CDH18: variants seen among roughly 807,000 people sequenced by gnomAD.
The protein encoded by CDH18 is cadherin-18.
Under a neutral mutation model 67.9 loss-of-function variants are expected in CDH18, and 31 were observed. The observed-to-expected ratio is 0.46, with a 90% CI of 0.34 to 0.62. The LOEUF (loss-of-function observed/expected upper bound fraction) is 0.62. Among genes scored for constraint, CDH18 ranks in the 20% least tolerant of loss-of-function variants. The pLI is 0.01. For synonymous variants in CDH18, 362 were observed against 347.2 expected, an observed-to-expected ratio of 1.04 and a Z score of -0.48; for missense variants, 890 against 975.5, an observed-to-expected ratio of 0.91 and a Z score of 1.17.
intron 10 of CDH18, among the ~76,000 whole-genome samples, chr5:19,510,435 A>C (rs1744933730): frequency 6.6e-6 from 1 of 152,134 alleles, no homozygotes; most frequent in African/African-American, 2.4e-5. Flanking sequence ...AAGAGGTGAA[A>C]ACAAATACAC....
At chr5:20,414,276 C>G (rs1462115084) in intron 1 of CDH18, among the ~76,000 whole-genome samples, 1 of 146,588 alleles carries the variant, frequency 6.8e-6, no homozygotes, top group Admixed American at 6.9e-5. Context: ...TGGAATCACC[C>G]CAGGTGCTCA....
intron 1 of CDH18, among the ~76,000 whole-genome samples, chr5:20,556,066 C>T (rs1398349318): frequency 1.3e-5 from 2 of 152,108 alleles, no homozygotes; most frequent in Non-Finnish European, 2.9e-5. Flanking sequence ...TGCAGTAAGT[C>T]CCTCATTCCT....
chr5:20,122,177 C>T (rs1383793032), intron 2 of CDH18, among the ~76,000 whole-genome samples: 3 of 152,184 alleles, frequency 2.0e-5, no homozygotes, highest in African/African-American at 7.2e-5. Flanking sequence ...GTGCCTAGTT[C>T]CTTCAGGGAA....
At chr5:19,857,446 G>T (rs1362259091) in intron 2 of CDH18, among the ~76,000 whole-genome samples, 1 of 152,028 alleles carries the variant, frequency 6.6e-6, no homozygotes, top group Non-Finnish European at 1.5e-5. Flanking sequence ...ACACAGACTG[G>T]ATGTTATAAT....
chr5:19,473,788 A>T, intron 12 of CDH18, 72 bp from the exon 13 acceptor site: 1 of 1,289,672 alleles, frequency 7.8e-7, no homozygotes, highest in Non-Finnish European at 1.1e-6. Flanking sequence ...TTACAACAGC[A>T]ATTTCCCATT....
At chr5:20,044,152 A>T (rs1190284841) in intron 2 of CDH18, among the ~76,000 whole-genome samples, 1 of 135,128 alleles carries the variant, frequency 7.4e-6, no homozygotes, top group Non-Finnish European at 1.6e-5. Flanking sequence ...GATTTTTGTA[A>T]ATCAAGATTC....
At chr5:20,241,849 C>A (rs1742928730) in intron 2 of CDH18, among the ~76,000 whole-genome samples, 1 of 61,818 alleles carries the variant, frequency 1.6e-5, no homozygotes, top group African/African-American at 1.1e-4. Context: ...GAGACCCTGT[C>A]GCAAAAAAAA....
At chr5:19,636,894 G>C (rs531808319) in intron 5 of CDH18, among the ~76,000 whole-genome samples, 1 of 151,968 alleles carries the variant, frequency 6.6e-6, no homozygotes, top group African/African-American at 2.4e-5. Flanking sequence ...GTTTTCTTTT[G>C]TAACTTATTT....
chr5:20,356,802 C>T (rs948386365), intron 1 of CDH18, among the ~76,000 whole-genome samples: 153 of 131,614 alleles, frequency 1.2e-3, no homozygotes, highest in African/African-American at 3.5e-3. Flanking sequence ...CCTATGTATG[C>T]GTATATATGT....
intron 11 of CDH18, 145 bp downstream of exon 11, chr5:19,502,847 A>T (rs1478867064): frequency 1.4e-6 from 1 of 694,092 alleles, no homozygotes; most frequent in Admixed American, 2.1e-5. Context: ...AACACAAGCT[A>T]TTCACAGATC....
intron 2 of CDH18, among the ~76,000 whole-genome samples, chr5:19,877,824 C>T (rs1182491125): frequency 2.0e-5 from 3 of 152,114 alleles, no homozygotes; most frequent in African/African-American, 7.2e-5. Context: ...ACCTACTTCA[C>T]TTAAGATCTG....
intron 2 of CDH18, among the ~76,000 whole-genome samples, chr5:20,131,377 G>C (rs1323801801): frequency 1.3e-5 from 2 of 151,950 alleles, no homozygotes; most frequent in African/African-American, 4.8e-5. Context: ...TTATCTTCCA[G>C]TCTCTATGCA....
chr5:19,986,326 T>TGC (rs1202925100), intron 1 of CDH18, among the ~76,000 whole-genome samples: 2 of 152,190 alleles, frequency 1.3e-5, no homozygotes, highest in African/African-American at 4.8e-5. Context: ...CAGTTACAGC[T>TGC]AGAGTTTCCT....
At chr5:20,416,860 G>C (rs1747355371) in intron 1 of CDH18, among the ~76,000 whole-genome samples, 1 of 151,958 alleles carries the variant, frequency 6.6e-6, no homozygotes, top group African/African-American at 2.4e-5. Flanking sequence ...TCCAGGATCA[G>C]TAAAAAGAGC....
chr5:19,899,718 T>C (rs890175867), intron 2 of CDH18, among the ~76,000 whole-genome samples: 3 of 151,764 alleles, frequency 2.0e-5, no homozygotes, highest in Non-Finnish European at 4.4e-5. Context: ...GATGGATGAA[T>C]GAATAAAGAA....
Position 19,693,894 on chromosome 5 carries a change from T to C in CDH18, c.643+27453A>G, listed in dbSNP as rs991858052. The stretch of plus-strand genomic sequence containing the variant: ...CTGGGCGACAAAGTGAGACTCTGTC[T>C]GAAAAAAAAAAAAAAAAAAGATTAT... On this transcript the variant is annotated intron_variant, in intron 5 of 12. Coordinates refer to ENST00000382275, the MANE Select transcript of CDH18 (RefSeq NM_004934.5). Among the ~76,000 whole-genome samples the C allele has an allele frequency of 4.3e-4, 16 of 37,316 alleles. No individual in the cohort carries two copies. In the Admixed American group the frequency reaches 4.5e-3, roughly 11 times the overall value. 24.5% of individuals were successfully genotyped at this position (37,316 alleles called of 152,430 possible).
At chr5:20,233,828 A>C (rs1742268541) in intron 2 of CDH18, among the ~76,000 whole-genome samples, 1 of 152,102 alleles carries the variant, frequency 6.6e-6, no homozygotes, top group African/African-American at 2.4e-5. Flanking sequence ...AATTTTTATA[A>C]TCATATTTTA....
chr5:20,471,627 C>A (rs2150239903), intron 1 of CDH18, among the ~76,000 whole-genome samples: 1 of 151,706 alleles, frequency 6.6e-6, no homozygotes, highest in Non-Finnish European at 1.5e-5. Context: ...TGGTGAAACG[C>A]AGTCTCTACT....
At chr5:19,921,164 G>T (rs539132645) in intron 2 of CDH18, among the ~76,000 whole-genome samples, 21 of 152,218 alleles carry the variant, frequency 1.4e-4, no homozygotes, top group African/African-American at 5.1e-4. Flanking sequence ...GAAAAAAATT[G>T]TAATTATGAA....
Sources: allele counts gnomAD v4.1 joint callset (sites outside exome capture counted in the v4.1 genomes callset), GRCh38; gene constraint gnomAD v4.1.1; transcripts MANE v1.5; gene names NCBI Gene and HGNC (gene_info 2026-07-23, HGNC 2026-07-21).